Variants in LAMA3 observed in about 807,000 individuals in gnomAD.
The protein encoded by LAMA3 is laminin subunit alpha-3.
LAMA3 carries 281 observed loss-of-function variants against 402.0 expected under a neutral mutation model. The ratio of observed to expected loss-of-function variants is 0.70; its 90% CI spans 0.63 to 0.77. The LOEUF (loss-of-function observed/expected upper bound fraction) is 0.77. Among genes scored for constraint, LAMA3 ranks in the 30% least tolerant of loss-of-function variants. The pLI, the probability that LAMA3 is intolerant of heterozygous loss-of-function variation, is 0.00. For missense variants in LAMA3, 3,840 were observed against 4,215.5 expected, an observed-to-expected ratio of 0.91 and a Z score of 2.47; for synonymous variants, 1,431 against 1,558.4, an observed-to-expected ratio of 0.92 and a Z score of 1.93.
chr18:23,848,009 G>GT (rs1376828369), intron 32 of LAMA3, among the ~76,000 whole-genome samples: 1 of 152,256 alleles, frequency 6.6e-6, no homozygotes, highest in African/African-American at 2.4e-5. Flanking sequence ...AGGTATCTGT[G>GT]TGCTTTGCTG....
intron 1 of LAMA3, among the ~76,000 whole-genome samples, chr18:23,713,101 G>T (rs1195702558): frequency 3.3e-5 from 5 of 152,152 alleles, no homozygotes; most frequent in African/African-American, 1.2e-4. Context: ...AGAAGTTAGA[G>T]ATTATAATAC....
chr18:23,874,247 G>A (rs1438417361), intron 38 of LAMA3, among the ~76,000 whole-genome samples: 3 of 152,188 alleles, frequency 2.0e-5, no homozygotes, highest in African/African-American at 7.2e-5. Flanking sequence ...TATTTTGTAA[G>A]CAGGTAATGT....
At chr18:23,937,327 C>T (rs976415063) in intron 67 of LAMA3, among the ~76,000 whole-genome samples, 3 of 135,726 alleles carry the variant, frequency 2.2e-5, no homozygotes, top group Non-Finnish European at 3.0e-5. Context: ...GATCGCGCCA[C>T]TGCACTGCAG....
intron 8 of LAMA3, 53 bp downstream of exon 8, chr18:23,763,576 C>A: frequency 9.3e-7 from 1 of 1,071,432 alleles, no homozygotes; most frequent in Non-Finnish European, 1.5e-6. Flanking sequence ...AATGAGTATT[C>A]AGTAAGCTCT....
intron 2 of LAMA3, among the ~76,000 whole-genome samples, chr18:23,722,602 T>C (rs948123196): frequency 2.0e-5 from 3 of 152,184 alleles, no homozygotes; most frequent in Non-Finnish European, 2.9e-5. Context: ...ACCACAAATA[T>C]AACAGACATA....
At chr18:23,711,224 G>A (rs1398731081) in intron 1 of LAMA3, among the ~76,000 whole-genome samples, 2 of 152,212 alleles carry the variant, frequency 1.3e-5, no homozygotes, top group Admixed American at 1.3e-4. Context: ...CCAAATGTCA[G>A]TGTTGACACC....
intron 25 of LAMA3, 116 bp from the exon 26 acceptor site, chr18:23,838,665 G>C: frequency 1.4e-6 from 1 of 711,972 alleles, no homozygotes; most frequent in South Asian, 1.5e-5. Context: ...ATAACGATTA[G>C]AATTATTATG....
chr18:23,901,380 A>T (rs1020545291), intron 48 of LAMA3, 57 bp downstream of exon 48: 23 of 1,407,610 alleles, frequency 1.6e-5, no homozygotes, highest in Admixed American at 6.8e-5. Flanking sequence ...AGAAGCAGGG[A>T]TCTTTATTAT....
chr18:23,763,992 G>A (rs1286691930), intron 8 of LAMA3, among the ~76,000 whole-genome samples: 3 of 152,126 alleles, frequency 2.0e-5, no homozygotes, highest in Non-Finnish European at 4.4e-5. Flanking sequence ...CCTTCTGTAG[G>A]ACAACTGGTT....
intron 2 of LAMA3, among the ~76,000 whole-genome samples, chr18:23,719,288 A>T (rs781469019): frequency 1.3e-5 from 2 of 152,164 alleles, no homozygotes; most frequent in African/African-American, 2.4e-5. Context: ...TGAGCACAGG[A>T]GTTAAATCCA....
chr18:23,747,153 CACCGTGTTCAATGTCGT>C (rs891096070), intron 2 of LAMA3, among the ~76,000 whole-genome samples: 3 of 152,128 alleles, frequency 2.0e-5, no homozygotes, highest in Admixed American at 6.5e-5. Context: ...ATTTGCTTAA[CACCGTGTTCAATGTCGT>C]ACCAGGCTCT....
chr18:23,822,325 A>G lies in LAMA3; in HGVS notation c.2378A>G (p.Asn793Ser), dbSNP rs1227348913. 1 of 1,613,920 alleles carries G rather than the reference A, an allele frequency of 6.2e-7. No homozygotes were observed. ...SLFRVILRYV[N>S]PGTEAVSGHI... ...TTTCGTGTTATTCTGAGATACGTTA[A>G]CCCTGGAACTGAAGCAGTATCTGGC... Residue 793 changes from asparagine (N) to serine (S), a missense_variant, in exon 20 of 75, where the codon AAC becomes AGC. Physicochemically the swap from Asn to Ser is conservative, Grantham distance 46 (BLOSUM62 1). This residue lies in a region of LAMA3 where 2,109 missense variants were observed against 2,376.0 expected (regional missense o/e 0.89). Coordinates refer to ENST00000313654, the MANE Select transcript of LAMA3 (RefSeq NM_198129.4).
intron 2 of LAMA3, among the ~76,000 whole-genome samples, chr18:23,743,733 A>G (rs977960703): frequency 4.6e-5 from 7 of 152,240 alleles, no homozygotes; most frequent in Admixed American, 2.0e-4. Flanking sequence ...TACCTAAACA[A>G]TCACCAACAC....
At position 23,931,188 on chromosome 18, in the gene LAMA3, A is replaced by C. The variant is rs753810094; in HGVS notation, c.8563A>C (p.Ser2855Arg). ...TTTACTGCATTATGTATCTGTAATAAGCGACAACTCTGGGTGAGTGGAATA... is the reference window on the plus strand; with the variant it reads ...TTTACTGCATTATGTATCTGTAATACGCGACAACTCTGGGTGAGTGGAATA... ...DGLLHYVSVI[S>R]DNSGLRLLID... The change falls in exon 65 of 75, where the codon AGC becomes CGC. Residue 2855 changes from serine to arginine, a missense_variant. By Grantham distance (110) the Ser-to-Arg change is moderately radical (BLOSUM62 -1). This residue lies in a region of LAMA3 where 840 missense variants were observed against 981.9 expected (regional missense o/e 0.86). Transcript: ENST00000313654. 2 of 1,612,828 alleles carry C rather than the reference A, an allele frequency of 1.2e-6. No individual in the cohort carries two copies. The highest frequency in any genetic ancestry group is 1.1e-5 in the South Asian group (1 of 91,066).
intron 1 of LAMA3, among the ~76,000 whole-genome samples, chr18:23,701,390 A>G (rs948743639): frequency 2.0e-5 from 3 of 152,184 alleles, no homozygotes; most frequent in African/African-American, 7.2e-5. Context: ...TGCTCATGGA[A>G]CACATGGATT....
At chr18:23,834,150 G>A (rs1312618692) in intron 24 of LAMA3, 162 bp downstream of exon 24, 5 of 757,452 alleles carry the variant, frequency 6.6e-6, no homozygotes, top group Non-Finnish European at 1.1e-5. Context: ...TCACCAGTGT[G>A]GGTATTGGGA....
Position 23,797,040 on chromosome 18 carries a change from C to T in LAMA3, c.1603+12883C>T, listed in dbSNP as rs529025223. Among the ~76,000 whole-genome samples, 6 of 152,254 alleles carry T rather than the reference C, an allele frequency of 3.9e-5. No homozygotes were observed. The South Asian group carries it at 8.3e-4, about 21-fold the overall frequency. ...TGCTGGATTCTCTGTGGTCTAAAGT[C>T]GTGGCTCAAGTGAAGGACTAATACA... is the stretch of plus-strand genomic sequence containing the variant. On this transcript the variant is annotated intron_variant, in intron 12 of 74. Transcript: ENST00000313654.
At chr18:23,824,598 G>A (rs755572289) in intron 21 of LAMA3, 33 bp downstream of exon 21, 7 of 1,611,726 alleles carry the variant, frequency 4.3e-6, no homozygotes, top group East Asian at 2.2e-5. Flanking sequence ...GAGCTCCTGC[G>A]GGATTCTTCC....
chr18:23,821,109 T>C (rs2063277455), intron 19 of LAMA3, among the ~76,000 whole-genome samples: 1 of 152,224 alleles, frequency 6.6e-6, no homozygotes, highest in Non-Finnish European at 1.5e-5. Flanking sequence ...AGGGTATACC[T>C]TCTCACAGGT....
Sources: allele counts gnomAD v4.1 joint callset (sites outside exome capture counted in the v4.1 genomes callset), GRCh38; gene constraint gnomAD v4.1.1; regional missense constraint gnomAD v4.1.1; transcripts MANE v1.5; gene names NCBI Gene and HGNC (gene_info 2026-07-23, HGNC 2026-07-21).